The following FAM135B variants were observed in gnomAD, a reference collection of about 807,000 sequenced individuals.
FAM135B encodes the protein protein FAM135B.
FAM135B carries 43 observed loss-of-function variants against 127.7 expected under a neutral mutation model. The observed-to-expected ratio is 0.34, with a 90% CI of 0.26 to 0.43. The LOEUF is 0.43. Among genes scored for constraint, FAM135B ranks in the 20% least tolerant of loss-of-function variants. The probability of loss-of-function intolerance (pLI) is 1.00; values close to 1 mark genes in which losing one functional copy is unlikely to be tolerated. For synonymous variants in FAM135B, 670 were observed against 665.1 expected (o/e 1.01, Z -0.11); for missense variants, 1,558 against 1,725.6 (o/e 0.90, Z 1.72).
chr8:138,178,397 C>T, intron 10 of FAM135B, 138 bp downstream of exon 10: 1 of 938,022 alleles, frequency 1.1e-6, no homozygotes, highest in Non-Finnish European at 1.6e-6. Context: ...CACAACGCCA[C>T]CCTGCACGGT....
At chr8:138,371,083 A>C (rs1288527953) in intron 1 of FAM135B, among the ~76,000 whole-genome samples, 2 of 152,176 alleles carry the variant, frequency 1.3e-5, no homozygotes, top group Non-Finnish European at 2.9e-5. Context: ...CACTGGCCTA[A>C]AGACAAGGGT....
intron 1 of FAM135B, among the ~76,000 whole-genome samples, chr8:138,496,373 G>T (rs1445795978): frequency 1.3e-5 from 2 of 152,172 alleles, no homozygotes; most frequent in Non-Finnish European, 2.9e-5. Context: ...AATGGCCAAG[G>T]TCTGCATGCG....
At chr8:138,399,048 T>A (rs916188130) in intron 1 of FAM135B, among the ~76,000 whole-genome samples, 6 of 152,184 alleles carry the variant, frequency 3.9e-5, no homozygotes, top group Admixed American at 3.3e-4. Context: ...AATAAAAGAA[T>A]AACAGGAGTA....
At chr8:138,266,799 CACAT>C (rs1446585105) in intron 3 of FAM135B, among the ~76,000 whole-genome samples, 2 of 15,066 alleles carry the variant, frequency 1.3e-4, no homozygotes, top group Non-Finnish European at 1.4e-4. Flanking sequence ...CACATACACA[CACAT>C]ACACACACGC....
At chr8:138,229,944 C>T (rs958807520) in intron 7 of FAM135B, among the ~76,000 whole-genome samples, 2 of 152,210 alleles carry the variant, frequency 1.3e-5, no homozygotes, top group African/African-American at 4.8e-5. Context: ...CTGCCCTTGA[C>T]ACTTTGGGAT....
At chr8:138,335,067 C>G (rs1399247917) in intron 2 of FAM135B, among the ~76,000 whole-genome samples, 1 of 152,134 alleles carries the variant, frequency 6.6e-6, no homozygotes, top group African/African-American at 2.4e-5. Flanking sequence ...TCTGCATTTT[C>G]TAGTTTGTTT....
intron 14 of FAM135B, 25 bp from the exon 15 acceptor site, chr8:138,146,075 C>A: frequency 8.6e-7 from 1 of 1,164,434 alleles, no homozygotes. Context: ...TAACCCCCAT[C>A]CCAGTCCCGT....
intron 1 of FAM135B, among the ~76,000 whole-genome samples, chr8:138,490,505 T>C (rs1040089565): frequency 6.6e-6 from 1 of 152,104 alleles, no homozygotes; most frequent in Non-Finnish European, 1.5e-5. Flanking sequence ...GACAGACGGG[T>C]GGATAAGGGC....
intron 7 of FAM135B, among the ~76,000 whole-genome samples, chr8:138,234,998 T>A (rs1219392178): frequency 1.3e-5 from 2 of 152,230 alleles, no homozygotes; most frequent in Admixed American, 1.3e-4. Flanking sequence ...TTGCACCTGT[T>A]TGTATAAAGG....
rs561821351 is a variant in FAM135B at position 138,219,870 on chromosome 8, T to C, written c.670-22201A>G. ...GAAACAGATGCACAGGTGCTTGTGA[T>C]AAGCAATTCATATGAACTATTCATA... On this transcript the variant is annotated intron_variant, in intron 7 of 19. Transcript: ENST00000395297. Among the ~76,000 whole-genome samples, 12 of 152,324 alleles carry C rather than the reference T, an allele frequency of 7.9e-5. No individual in the cohort carries two copies. In the South Asian group the frequency reaches 2.3e-3, roughly 29 times the overall value.
intron 3 of FAM135B, among the ~76,000 whole-genome samples, chr8:138,288,954 C>T (rs1042645376): frequency 2.6e-5 from 4 of 152,192 alleles, no homozygotes; most frequent in African/African-American, 9.7e-5. Context: ...GATGACAACG[C>T]TTGCCTATGC....
At chr8:138,292,117 A>G (rs1825157863) in intron 3 of FAM135B, among the ~76,000 whole-genome samples, 2 of 152,260 alleles carry the variant, frequency 1.3e-5, no homozygotes, top group South Asian at 4.1e-4. Flanking sequence ...GTGTTTCTGT[A>G]TGCTAACAAC....
In FAM135B at chr8:138,141,188, A is replaced by G; in HGVS notation, c.3790+10T>C. ...ATTCTGAGGAATGACGAGTCCTAGA[A>G]GAATCTTACCTGTACTAACCAGGGT... On this transcript the variant is annotated intron_variant, in intron 17 of 19. Transcript: ENST00000395297. The surrounding 1 kb of genome is among the most constrained non-coding windows in gnomAD (Gnocchi z 4.7). 6.2e-7 allele frequency: 1 copy of G among 1,613,754 alleles called. No individual in the cohort carries two copies. The highest frequency in any genetic ancestry group is 8.5e-7 in the Non-Finnish European group (1 of 1,179,858).
chr8:138,396,123 GTGAGACCAGGA>G (rs2131345579), intron 1 of FAM135B, among the ~76,000 whole-genome samples: 1 of 152,286 alleles, frequency 6.6e-6, no homozygotes, highest in Non-Finnish European at 1.5e-5. Flanking sequence ...GAGCTTTGGG[GTGAGACCAGGA>G]CAAGAAGACC....
At chr8:138,299,577 A>T (rs982903860) in intron 3 of FAM135B, among the ~76,000 whole-genome samples, 1 of 149,920 alleles carries the variant, frequency 6.7e-6, no homozygotes, top group African/African-American at 2.4e-5. Context: ...ATACATACAC[A>T]TACACACATA....
chr8:138,135,457 TAAA>T (rs1229149271), intron 19 of FAM135B, among the ~76,000 whole-genome samples: 1 of 152,028 alleles, frequency 6.6e-6, no homozygotes, highest in Non-Finnish European at 1.5e-5. Flanking sequence ...AAAATATACA[TAAA>T]AAAGCATCAA....
At chr8:138,159,839 G>A (rs926533596) in intron 12 of FAM135B, among the ~76,000 whole-genome samples, 1 of 152,118 alleles carries the variant, frequency 6.6e-6, no homozygotes, top group Non-Finnish European at 1.5e-5. Flanking sequence ...AAATGATAAA[G>A]AGTGTCTTTG....
chr8:138,197,862 T>A (rs1332121644), intron 7 of FAM135B, among the ~76,000 whole-genome samples, 193 bp from the exon 8 acceptor site: 2 of 152,178 alleles, frequency 1.3e-5, no homozygotes, highest in Admixed American at 6.5e-5. Context: ...TGAGCTGGAA[T>A]TGCTTCTTTA....
intron 9 of FAM135B, among the ~76,000 whole-genome samples, chr8:138,179,783 T>A (rs1444415878): frequency 6.6e-6 from 1 of 152,106 alleles, no homozygotes; most frequent in African/African-American, 2.4e-5. Flanking sequence ...AGCCTCGAAT[T>A]CCTGGGCTCC....
Sources: gnomAD v4.1 joint callset for allele counts (sites outside exome capture counted in the v4.1 genomes callset) on GRCh38, gnomAD v4.1.1 for gene constraint, Gnocchi (gnomAD v3.1) non-coding constraint, MANE v1.5 for transcripts, NCBI Gene and HGNC (gene_info 2026-07-23, HGNC 2026-07-21) for gene names.